Variants in SQOR observed in about 807,000 individuals in gnomAD.
SQOR encodes the protein sulfide:quinone oxidoreductase, mitochondrial.
A neutral mutation model predicts 48.6 loss-of-function variants in SQOR; 39 were observed. That is an observed-to-expected ratio of 0.80 (90% CI 0.62 to 1.05). The LOEUF (loss-of-function observed/expected upper bound fraction) is 1.05, where lower values mean the gene tolerates loss of function less well. Among genes scored for constraint, SQOR ranks in the 50% least tolerant of loss-of-function variants. SQOR has a pLI of 0.00. For missense variants in SQOR, 561 were observed against 559.9 expected (o/e 1.00, Z -0.02); for synonymous variants, 220 against 206.2 (o/e 1.07, Z -0.57).
chr15:45,648,604 C>G lies in SQOR; in HGVS notation c.-17-10303C>G, dbSNP rs1243533587. On this transcript the variant is annotated intron_variant, in intron 1 of 9. Transcript: ENST00000260324. ...ATTAATTAAATACGCCCAGAAAGCC[C>G]AAGTGGGAGGATTTAGTTGAGGAGG... 1.3e-5 allele frequency among the ~76,000 whole-genome samples: 2 copies of G among 152,144 alleles called. 1 individual carries two copies. The highest frequency in any genetic ancestry group is 4.1e-4 in the South Asian group (2 of 4,832).
intron 3 of SQOR, among the ~76,000 whole-genome samples, chr15:45,665,106 G>A (rs1363970873): frequency 6.6e-6 from 1 of 152,116 alleles, no homozygotes; most frequent in African/African-American, 2.4e-5. Flanking sequence ...AGAGCCTTCG[G>A]TGGTTGGGTT....
intron 1 of SQOR, among the ~76,000 whole-genome samples, chr15:45,655,421 G>A (rs6493165): frequency 0.15 from 23,239 of 152,092 alleles, 2,348 homozygotes; most frequent in African/African-American, 0.26. Flanking sequence ...TGATGACTGG[G>A]TACACACCAT....
Position 45,682,152 on chromosome 15 carries a change from G to C in SQOR, c.865-326G>C, listed in dbSNP as rs1339132865. ...TGAAATATACCACCCCCTTATTTTA[G>C]TACTAATAAAAACATCAATGGATTT... is the stretch of plus-strand genomic sequence containing the variant. On this transcript the variant is annotated intron_variant, in intron 6 of 9. Coordinates refer to ENST00000260324, the MANE Select transcript of SQOR (RefSeq NM_021199.4). 2.0e-5 allele frequency among the ~76,000 whole-genome samples: 3 copies of C among 152,144 alleles called. No individual in the cohort carries two copies. The East Asian group carries it at 5.8e-4, about 29-fold the overall frequency.
At chr15:45,662,792 C>T (rs1447076787) in intron 3 of SQOR, among the ~76,000 whole-genome samples, 1 of 152,218 alleles carries the variant, frequency 6.6e-6, no homozygotes, top group Non-Finnish European at 1.5e-5. Flanking sequence ...TTTTCCCCCA[C>T]CTGCTGCTGA....
chr15:45,632,947 A>AT (rs924580191), upstream of SQOR, among the ~76,000 whole-genome samples: 1 of 151,886 alleles, frequency 6.6e-6, no homozygotes, highest in African/African-American at 2.4e-5. Flanking sequence ...TCTACAAAAA[A>AT]AAAAAATAAA....
chr15:45,644,112 G>A (rs1275821263), intron 1 of SQOR, among the ~76,000 whole-genome samples: 1 of 152,020 alleles, frequency 6.6e-6, no homozygotes, highest in Non-Finnish European at 1.5e-5. Context: ...TTGAGACGGA[G>A]TCTTGCTCTG....
At position 45,659,447 on chromosome 15, in the gene SQOR, C is replaced by T. The variant is rs564962334; in HGVS notation, c.234+290C>T. On this transcript the variant is annotated intron_variant, in intron 2 of 9. Transcript: ENST00000260324. ...AAATTGGGTGGCTTAAAACAACAGA[C>T]ATCTATTCCCTCACAGTTCTGGAGG... Among the ~76,000 whole-genome samples, 7 of 152,282 alleles carry T rather than the reference C, an allele frequency of 4.6e-5. No homozygotes were observed. The South Asian group carries it at 1.2e-3, about 27-fold the overall frequency.
At chr15:45,663,238 G>A (rs1312819785) in intron 3 of SQOR, among the ~76,000 whole-genome samples, 4 of 151,952 alleles carry the variant, frequency 2.6e-5, no homozygotes, top group Non-Finnish European at 5.9e-5. Context: ...AGGCTGGCTC[G>A]AACTCTTGAC....
chr15:45,664,665 C>T (rs113550319), intron 3 of SQOR, among the ~76,000 whole-genome samples: 42 of 152,234 alleles, frequency 2.8e-4, no homozygotes, highest in African/African-American at 9.9e-4. Context: ...ACAGTTACCA[C>T]GGTGCTGATT....
At chr15:45,647,822 C>G (rs1271360137) in intron 1 of SQOR, among the ~76,000 whole-genome samples, 1 of 152,044 alleles carries the variant, frequency 6.6e-6, no homozygotes, top group African/African-American at 2.4e-5. Flanking sequence ...AGACTTGAAG[C>G]ACAAGAATCG....
chr15:45,631,903 A>T (rs2140932621), upstream of SQOR: 1 of 152,338 alleles, frequency 6.6e-6, no homozygotes, highest in East Asian at 1.9e-4. Flanking sequence ...ATGGGTAGGA[A>T]TCAAGTCTGA....
intron 2 of SQOR, among the ~76,000 whole-genome samples, chr15:45,660,335 A>G (rs62008300): frequency 0.062 from 9,435 of 152,282 alleles, 406 homozygotes; most frequent in Middle Eastern, 0.17. Context: ...GGCAGTCTCT[A>G]TCATTTTCCT....
rs571964313 is a variant in SQOR at position 45,639,476 on chromosome 15, A to G, written c.-18+4368A>G. ...CCCTCAGGGAACTTTCATGCCACCT[A>G]GCTGGGAACCAGCAGCTCTGGCCCT... On this transcript the variant is annotated intron_variant, in intron 1 of 9. Coordinates refer to ENST00000260324, the MANE Select transcript of SQOR (RefSeq NM_021199.4). 7.4e-4 allele frequency among the ~76,000 whole-genome samples: 112 copies of G among 152,362 alleles called. 1 individual carries two copies. In the South Asian group the frequency reaches 0.02, roughly 28 times the overall value.
intron 1 of SQOR, among the ~76,000 whole-genome samples, chr15:45,649,948 G>C (rs1277096441): frequency 6.6e-6 from 1 of 151,900 alleles, no homozygotes; most frequent in South Asian, 2.1e-4. Context: ...GTTCAAGTGG[G>C]GGTCCTGCCT....
Position 45,676,099 on chromosome 15 carries a change from A to G in SQOR, c.655-2A>G. 1 of 1,609,270 alleles carries G rather than the reference A, an allele frequency of 6.2e-7. No homozygotes were observed. The highest frequency in any genetic ancestry group is 8.5e-7 in the Non-Finnish European group (1 of 1,178,798). On this transcript the variant is annotated splice_acceptor_variant, in intron 5 of 9. Coordinates refer to ENST00000260324, the MANE Select transcript of SQOR (RefSeq NM_021199.4). LOFTEE classifies it high-confidence loss of function. ...TGTGAATGGTTTTCTTATTTTTCTC[A>G]GACAGGGAAGCGATCCAAGGCCAAT... is the stretch of plus-strand genomic sequence containing the variant.
At chr15:45,644,998 T>C (rs1292212570) in intron 1 of SQOR, among the ~76,000 whole-genome samples, 1 of 152,150 alleles carries the variant, frequency 6.6e-6, no homozygotes, top group Non-Finnish European at 1.5e-5. Context: ...GGGCAGTCTC[T>C]GGGATTAGCA....
At chr15:45,634,549 T>A (rs1194624996), upstream of SQOR, among the ~76,000 whole-genome samples, 2 of 152,096 alleles carry the variant, frequency 1.3e-5, no homozygotes, top group Non-Finnish European at 2.9e-5. Context: ...ACACCAAAGC[T>A]GAACCTCGGT....
upstream of SQOR, among the ~76,000 whole-genome samples, chr15:45,632,914 G>A (rs572488988): frequency 6.6e-6 from 1 of 151,658 alleles, no homozygotes; most frequent in East Asian, 1.9e-4. Flanking sequence ...GACCAGCCTA[G>A]GCAATGTAGT....
intron 1 of SQOR, among the ~76,000 whole-genome samples, chr15:45,641,515 T>G (rs1355159628): frequency 6.6e-6 from 1 of 152,240 alleles, no homozygotes; most frequent in Non-Finnish European, 1.5e-5. Context: ...TAAACAAATG[T>G]TTGGATTTAT....
Sources: allele counts gnomAD v4.1 joint callset (sites outside exome capture counted in the v4.1 genomes callset), GRCh38; gene constraint gnomAD v4.1.1; transcripts MANE v1.5; gene names NCBI Gene and HGNC (gene_info 2026-07-23, HGNC 2026-07-21).